Variants in ADCY10 observed in about 807,000 individuals in gnomAD.
ADCY10 encodes adenylate cyclase 10.
ADCY10 carries 156 observed loss-of-function variants against 183.3 expected under a neutral mutation model. The ratio of observed to expected loss-of-function variants is 0.85; its 90% CI spans 0.75 to 0.97. The LOEUF (loss-of-function observed/expected upper bound fraction) is 0.97. Among genes scored for constraint, ADCY10 ranks in the 50% least tolerant of loss-of-function variants. The pLI, the probability that ADCY10 is intolerant of heterozygous loss-of-function variation, is 0.00. For synonymous variants in ADCY10, 645 were observed against 670.0 expected, an observed-to-expected ratio of 0.96 and a Z score of 0.58; for missense variants, 1,745 against 1,934.3, an observed-to-expected ratio of 0.90 and a Z score of 1.84.
intron 1 of ADCY10, among the ~76,000 whole-genome samples, chr1:167,909,094 C>T (rs1013218842): frequency 3.3e-5 from 5 of 152,180 alleles, no homozygotes; most frequent in African/African-American, 1.2e-4. Context: ...CTGAAGGTAA[C>T]CTTTCTTATT....
At chr1:167,819,346 G>A (rs1048283852) in intron 30 of ADCY10, among the ~76,000 whole-genome samples, 3 of 149,570 alleles carry the variant, frequency 2.0e-5, no homozygotes, top group African/African-American at 7.4e-5. Context: ...TGCTTCCCTG[G>A]TTGAAGCAAT....
chr1:167,876,991 C>G (rs1219965134), intron 12 of ADCY10, among the ~76,000 whole-genome samples: 7 of 152,044 alleles, frequency 4.6e-5, no homozygotes, highest in Non-Finnish European at 1.0e-4. Context: ...TCTGTTGAAC[C>G]CCAGGCACGT....
chr1:167,882,864 T>C (rs1202474644), intron 9 of ADCY10, among the ~76,000 whole-genome samples: 1 of 152,186 alleles, frequency 6.6e-6, no homozygotes, highest in Non-Finnish European at 1.5e-5. Context: ...TGTTTCAGCA[T>C]CCTCATCTAT....
chr1:167,842,536 A>G (rs1237730965), intron 21 of ADCY10, among the ~76,000 whole-genome samples: 1 of 152,058 alleles, frequency 6.6e-6, no homozygotes, highest in Non-Finnish European at 1.5e-5. Flanking sequence ...AAGGATAGAC[A>G]GAGTATCTAT....
At chr1:167,893,628 G>A (rs937435294) in intron 8 of ADCY10, among the ~76,000 whole-genome samples, 5 of 149,790 alleles carry the variant, frequency 3.3e-5, no homozygotes, top group Non-Finnish European at 5.9e-5. Flanking sequence ...CCCGGGAGGC[G>A]GAGGTTGCAG....
At chr1:167,818,442 A>G in intron 30 of ADCY10, 175 bp from the exon 31 acceptor site, 1 of 745,184 alleles carries the variant, frequency 1.3e-6, no homozygotes, top group African/African-American at 1.7e-5. Context: ...TGTGATACAG[A>G]GCAAGGAAAT....
chr1:167,896,041 A>G (rs1231759167), intron 7 of ADCY10, among the ~76,000 whole-genome samples: 1 of 152,210 alleles, frequency 6.6e-6, no homozygotes, highest in East Asian at 1.9e-4. Flanking sequence ...ACCATCTAGG[A>G]TGAGGCCTGA....
intron 21 of ADCY10, among the ~76,000 whole-genome samples, chr1:167,840,939 GA>G (rs1487163123): frequency 4.2e-5 from 5 of 120,152 alleles, no homozygotes; most frequent in African/African-American, 1.5e-4. Flanking sequence ...AGAATAAAAT[GA>G]TTTTTTTTTT....
chr1:167,909,379 T>C (rs1670010938), intron 1 of ADCY10, among the ~76,000 whole-genome samples: 1 of 152,144 alleles, frequency 6.6e-6, no homozygotes, highest in South Asian at 2.1e-4. Context: ...TGTATGCATT[T>C]CTCCTGGGTA....
chr1:167,845,623 G>A lies in ADCY10; in HGVS notation c.2947C>T (p.Arg983Trp), dbSNP rs763387928. 73 of 1,614,122 alleles carry A rather than the reference G, an allele frequency of 4.5e-5. No individual in the cohort carries two copies. The highest frequency in any genetic ancestry group is 6.6e-5 in the South Asian group (6 of 91,086). Residue 983 changes from arginine to tryptophan, a missense_variant, in exon 21 of 33, where the codon CGG becomes TGG. Physicochemically the swap from Arg to Trp is moderately radical, Grantham distance 101 (BLOSUM62 -3). Coordinates refer to ENST00000367851, the MANE Select transcript of ADCY10 (RefSeq NM_018417.6). The part of the protein sequence containing the change: ...IPYHHFTVNI[R>W]LNALDMDAIK... ...GCATCCATGTCTAAAGCGTTGAGCC[G>A]AATATTCACTGTGAAGTGATGATAG...
At chr1:167,821,773 C>T (rs1662928423) in intron 30 of ADCY10, among the ~76,000 whole-genome samples, 1 of 152,176 alleles carries the variant, frequency 6.6e-6, no homozygotes, top group Non-Finnish European at 1.5e-5. Flanking sequence ...CCCTGTATCA[C>T]CACAACATGA....
intron 31 of ADCY10, among the ~76,000 whole-genome samples, chr1:167,816,840 G>A (rs551407503): frequency 1.3e-5 from 2 of 152,272 alleles, no homozygotes; most frequent in East Asian, 3.9e-4. Context: ...AAAATATGTA[G>A]TTCAGAAACT....
chr1:167,857,048 T>C (rs1363462169), intron 16 of ADCY10, among the ~76,000 whole-genome samples: 3 of 152,228 alleles, frequency 2.0e-5, no homozygotes, highest in African/African-American at 7.2e-5. Flanking sequence ...TAAGCATTTA[T>C]TGTGCATCTA....
chr1:167,895,193 A>C (rs1668879817), intron 7 of ADCY10, among the ~76,000 whole-genome samples: 1 of 152,014 alleles, frequency 6.6e-6, no homozygotes, highest in Non-Finnish European at 1.5e-5. Context: ...AAAAAAAAAA[A>C]AAAAGGAATT....
Position 167,845,742 on chromosome 1 carries a change from T to A in ADCY10, c.2828A>T (p.Lys943Met). The change falls in exon 21 of 33, where the codon AAG becomes ATG. Residue 943 changes from lysine (K) to methionine (M), a missense_variant. Transcript: ENST00000367851. ...MQKTAYELWLKDQRKAMHLKC... is the reference protein window; with the variant it reads ...MQKTAYELWLMDQRKAMHLKC... ...CAAGTGCATGGCTTTTCTCTGGTCC[T>A]TGAGCCACAGCTCGTAGGCTGTTTT... The A allele has an allele frequency of 6.2e-7, 1 of 1,614,270 alleles. No individual in the cohort carries two copies. Among genetic ancestry groups the A allele is most frequent in the Non-Finnish European group, 8.5e-7 (1 of 1,180,054 alleles).
chr1:167,843,183 T>C (rs1664779066), intron 21 of ADCY10, among the ~76,000 whole-genome samples: 1 of 152,216 alleles, frequency 6.6e-6, no homozygotes, highest in South Asian at 2.1e-4. Flanking sequence ...TTGGAAAATC[T>C]GCAAATAACT....
intron 18 of ADCY10, among the ~76,000 whole-genome samples, chr1:167,850,319 G>A (rs2101991269): frequency 6.6e-6 from 1 of 152,270 alleles, no homozygotes; most frequent in East Asian, 1.9e-4. Context: ...GGTTGAGCGG[G>A]AGGATAATGC....
At chr1:167,831,207 T>G (rs1377468283) in intron 25 of ADCY10, among the ~76,000 whole-genome samples, 2 of 152,128 alleles carry the variant, frequency 1.3e-5, no homozygotes, top group Non-Finnish European at 2.9e-5. Context: ...CTTTTTTTTT[T>G]GAGACGGAGT....
At chr1:167,897,555 AGATGCAGAAGAGAT>A (rs1399558832) in intron 6 of ADCY10, among the ~76,000 whole-genome samples, 11 of 28 alleles carry the variant, frequency 0.39, no homozygotes, top group Admixed American at 0.5. Flanking sequence ...ATGTTGTTGG[AGATGCAGAAGAGAT>A]GAGAGAAAGC....
Sources: gnomAD v4.1 joint callset for allele counts (sites outside exome capture counted in the v4.1 genomes callset) on GRCh38, gnomAD v4.1.1 for gene constraint, MANE v1.5 for transcripts, NCBI Gene and HGNC (gene_info 2026-07-23, HGNC 2026-07-21) for gene names.